Variants in CHD5 observed in about 807,000 individuals in gnomAD.
CHD5 encodes the protein ATP-dependent chromatin remodeler CHD5.
In CHD5, 69 loss-of-function variants were observed where a neutral mutation model predicts 230.3. The ratio of observed to expected loss-of-function variants is 0.30; its 90% CI spans 0.25 to 0.37. The LOEUF (loss-of-function observed/expected upper bound fraction) is 0.37. Ranked by LOEUF, CHD5 falls within the 10% of genes least tolerant of loss-of-function variation. CHD5 has a pLI of 1.00. For missense variants in CHD5, 1,827 were observed against 2,622.8 expected (o/e 0.70, Z 6.63); for synonymous variants, 1,064 against 1,065.9 (o/e 1.00, Z 0.03).
chr1:6,136,483 C>T, intron 17 of CHD5, 34 bp downstream of exon 17: 2 of 1,608,594 alleles, frequency 1.2e-6, no homozygotes, highest in Non-Finnish European at 1.7e-6. Flanking sequence ...CCCAGCCCCA[C>T]CACCACCTCC....
chr1:6,145,861 G>A (rs528211230), intron 11 of CHD5, among the ~76,000 whole-genome samples: 6 of 152,332 alleles, frequency 3.9e-5, no homozygotes, highest in Admixed American at 3.9e-4. Flanking sequence ...TGTTACAAAC[G>A]CGGGGGAAAT....
chr1:6,124,369 C>T, intron 30 of CHD5, 148 bp downstream of exon 30: 1 of 914,012 alleles, frequency 1.1e-6, no homozygotes. Context: ...GAAAGGCTTT[C>T]CAGGTCAGTC....
chr1:6,159,230 C>T lies in CHD5; in HGVS notation c.387+106G>A. The T allele has an allele frequency of 7.0e-5, 29 of 412,166 alleles. No homozygotes were observed. The South Asian group carries it at 2.4e-3, about 33-fold the overall frequency. 25.5% of individuals were successfully genotyped at this position (412,166 alleles called of 1,614,324 possible). A position where few individuals can be genotyped will look rare whatever the true frequency, so the allele number is the denominator to read the frequency against. ...CTGGCAACAGAGTGAGACTCCATCA[C>T]ACACACACACACACACACACACACA... is the stretch of plus-strand genomic sequence containing the variant. On this transcript the variant is annotated intron_variant, in intron 3 of 41. Transcript: ENST00000262450.
chr1:6,167,834 G>A lies in CHD5; in HGVS notation c.207+316C>T, dbSNP rs1020387752. On this transcript the variant is annotated intron_variant, in intron 2 of 41. Transcript: ENST00000262450. The surrounding 1 kb of genome is among the most constrained non-coding windows in gnomAD (Gnocchi z 4.5). ...GACGGAGTCAGCTACAGAGCAGGGA[G>A]TGGGGCAGGGAGGTAGGGAGGCACC... 6.6e-6 allele frequency among the ~76,000 whole-genome samples: 1 copy of A among 152,188 alleles called. No individual in the cohort carries two copies. Among genetic ancestry groups the A allele is most frequent in the African/African-American group, 2.4e-5 (1 of 41,436 alleles).
intron 1 of CHD5, among the ~76,000 whole-genome samples, chr1:6,169,016 C>CAAA (rs796551533): frequency 1.0e-5 from 1 of 98,854 alleles, no homozygotes; most frequent in Admixed American, 1.1e-4. Flanking sequence ...GAGACTCCAT[C>CAAA]AAAAAAAAAA....
rs772891328 is a variant in CHD5 at position 6,154,669 on chromosome 1, C to T, written c.736G>A (p.Glu246Lys). The T allele has an allele frequency of 6.4e-7, 1 of 1,564,308 alleles. No individual in the cohort carries two copies. The highest frequency in any genetic ancestry group is 2.3e-5 in the East Asian group (1 of 44,304). The change falls in exon 5 of 42, where the codon GAG becomes AAG. Residue 246 changes from glutamate to lysine, a missense_variant. Around this residue, in one of 14 missense-constraint regions of CHD5, gnomAD observed 657 missense variants for 816.4 expected, o/e 0.80. Transcript: ENST00000262450. This position sits in a 1 kb window ranked among gnomAD's most constrained non-coding sequence, Gnocchi z 7.0. Reference sequence around the variant, plus strand: ...CCAACCCCAGCCTTACCTTTGCCCTCCTTGGTCTTGGCCTTGCGGATAGGC... The same window carrying T: ...CCAACCCCAGCCTTACCTTTGCCCTTCTTGGTCTTGGCCTTGCGGATAGGC... ...PVPIRKAKTK[E>K]GKGPGVRKKI...
intron 15 of CHD5, among the ~76,000 whole-genome samples, chr1:6,138,472 T>G (rs1241591608): frequency 6.6e-6 from 1 of 152,170 alleles, no homozygotes; most frequent in Non-Finnish European, 1.5e-5. Flanking sequence ...GCCCTGCATT[T>G]TCATTTTGCA....
rs1379896526 is a variant in CHD5 at position 6,143,866 on chromosome 1, C to T, written c.2000G>A (p.Arg667Lys). Residue 667 changes from arginine (R) to lysine (K), a missense_variant, in exon 13 of 42, where the codon AGG becomes AAG. By Grantham distance (26) the Arg-to-Lys change is conservative. This residue lies in a region of CHD5 where 657 missense variants were observed against 816.4 expected (regional missense o/e 0.80). Transcript: ENST00000262450. ...KRLLKKGKKL[R>K]DDKQEKPPDT... Reference sequence around the variant, plus strand: ...CGGCGGCTTCTCCTGCTTGTCGTCCCTCAGCTTCTTGCCCTTCTTGAGCAG... The same window carrying T: ...CGGCGGCTTCTCCTGCTTGTCGTCCTTCAGCTTCTTGCCCTTCTTGAGCAG... 4 of 1,613,524 alleles carry T rather than the reference C, an allele frequency of 2.5e-6. No individual in the cohort carries two copies. The highest frequency in any genetic ancestry group is 3.4e-6 in the Non-Finnish European group (4 of 1,180,038).
At chr1:6,123,305 G>T (rs372581966) in intron 31 of CHD5, among the ~76,000 whole-genome samples, 3 of 152,168 alleles carry the variant, frequency 2.0e-5, no homozygotes, top group South Asian at 2.1e-4. Context: ...GGCCTGGGGT[G>T]GGGGGATAAG....
chr1:6,129,138 A>G lies in CHD5; in HGVS notation c.3388-69T>C. 9.1e-7 allele frequency: 1 copy of G among 1,093,458 alleles called. No homozygotes were observed. The allele number at this position is 1,093,458 out of a possible 1,614,324, so 67.7% of individuals were successfully genotyped here. Reference sequence around the variant, plus strand: ...CCAGGCAATGGAGGAGATCACACCCATGAGCTCAAGAGCATGGAATGGGCT... The same window carrying G: ...CCAGGCAATGGAGGAGATCACACCCGTGAGCTCAAGAGCATGGAATGGGCT... On this transcript the variant is annotated intron_variant, in intron 22 of 41. Coordinates refer to ENST00000262450, the MANE Select transcript of CHD5 (RefSeq NM_015557.3). The surrounding 1 kb of genome is among the most constrained non-coding windows in gnomAD (Gnocchi z 6.8).
Position 6,155,913 on chromosome 1 carries a change from G to T in CHD5, c.388-196C>A, listed in dbSNP as rs912310249. Among the ~76,000 whole-genome samples, 3 of 152,190 alleles carry T rather than the reference G, an allele frequency of 2.0e-5. No homozygotes were observed. The highest frequency in any genetic ancestry group is 6.5e-5 in the Admixed American group (1 of 15,286). ...CCCGCAGCCCCGCAGCCCCCAATCT[G>T]TGCCACGTCTCAGATGCCAGCCCAC... On this transcript the variant is annotated intron_variant, in intron 3 of 41. Coordinates refer to ENST00000262450, the MANE Select transcript of CHD5 (RefSeq NM_015557.3). The surrounding 1 kb of genome is among the most constrained non-coding windows in gnomAD (Gnocchi z 4.0).
chr1:6,175,622 TG>T (rs1320407239), intron 1 of CHD5, among the ~76,000 whole-genome samples: 12 of 151,040 alleles, frequency 7.9e-5, no homozygotes, highest in African/African-American at 2.9e-4. Flanking sequence ...GATGAATGAA[TG>T]GTGGGAAGCA....
At chr1:6,173,054 G>A (rs1486310067) in intron 1 of CHD5, among the ~76,000 whole-genome samples, 2 of 151,824 alleles carry the variant, frequency 1.3e-5, no homozygotes, top group African/African-American at 4.8e-5. Flanking sequence ...CCAAGGACAG[G>A]GACCCCACTC....
At chr1:6,177,010 T>C (rs1222953081) in intron 1 of CHD5, among the ~76,000 whole-genome samples, 1 of 151,398 alleles carries the variant, frequency 6.6e-6, no homozygotes, top group Non-Finnish European at 1.5e-5. Context: ...AGGGCAAACC[T>C]CCCCCTCCCC....
At chr1:6,149,495 G>T in intron 7 of CHD5, 83 bp from the exon 8 acceptor site, 1 of 1,399,356 alleles carries the variant, frequency 7.1e-7, no homozygotes, top group Non-Finnish European at 9.8e-7. Context: ...GGCCAGACAG[G>T]CACAGAGTAG....
Position 6,152,502 on chromosome 1 carries a change from T to G in CHD5, c.780A>C (p.Lys260Asn). ...PGVRKKIKGS[K>N]DGKKKGKGKK... ...TCCCTTTGCCCTTTTTCTTCCCATCTTTGGAGCCTTTGATCTTCTTCCTCA... is the reference window on the plus strand; with the variant it reads ...TCCCTTTGCCCTTTTTCTTCCCATCGTTGGAGCCTTTGATCTTCTTCCTCA... The change falls in exon 6 of 42, where the codon AAA (lysine) becomes AAC (asparagine). Residue 260 changes from lysine to asparagine, a missense_variant. Transcript: ENST00000262450. The G allele has an allele frequency of 6.2e-7, 1 of 1,614,154 alleles. No homozygotes were observed.
chr1:6,137,398 C>T (rs577601348), intron 15 of CHD5, among the ~76,000 whole-genome samples: 3 of 152,308 alleles, frequency 2.0e-5, no homozygotes, highest in South Asian at 4.1e-4. Context: ...TGAGCCACCA[C>T]GACCAGCCCT....
chr1:6,163,429 C>T (rs1667208280), intron 2 of CHD5, among the ~76,000 whole-genome samples: 1 of 152,234 alleles, frequency 6.6e-6, no homozygotes, highest in Non-Finnish European at 1.5e-5. Context: ...TCACCTGAAC[C>T]CTCCTCCCCT....
At chr1:6,161,216 C>T (rs894108997) in intron 2 of CHD5, among the ~76,000 whole-genome samples, 10 of 151,978 alleles carry the variant, frequency 6.6e-5, no homozygotes, top group Admixed American at 5.9e-4. Flanking sequence ...CTTGGGAGGC[C>T]CCCAGCCCAA....
Sources: gnomAD v4.1 joint callset for allele counts (sites outside exome capture counted in the v4.1 genomes callset) on GRCh38, gnomAD v4.1.1 for gene constraint, gnomAD v4.1.1 regional missense constraint, Gnocchi (gnomAD v3.1) non-coding constraint, MANE v1.5 for transcripts, NCBI Gene and HGNC (gene_info 2026-07-23, HGNC 2026-07-21) for gene names.